The following GOLGA6L9 variants were observed in gnomAD, a reference collection of about 807,000 sequenced individuals.
The protein encoded by GOLGA6L9 is golgin subfamily A member 6-like protein 9.
In GOLGA6L9, 19 loss-of-function variants were observed where a neutral mutation model predicts 51.3. The observed-to-expected ratio is 0.37, with a 90% CI of 0.26 to 0.54. The LOEUF (loss-of-function observed/expected upper bound fraction) is 0.54, where lower values mean the gene tolerates loss of function less well. Ranked by LOEUF, GOLGA6L9 falls within the 20% of genes least tolerant of loss-of-function variation. The pLI is 0.83. For synonymous variants in GOLGA6L9, 97 were observed against 184.2 expected, an observed-to-expected ratio of 0.53 and a Z score of 3.83; for missense variants, 247 against 464.1, an observed-to-expected ratio of 0.53 and a Z score of 4.30.
the GOLGA6L9 span, chr15:82,420,039 C>G: frequency 2.3e-6 from 1 of 439,480 alleles, no homozygotes; most frequent in Non-Finnish European, 4.6e-6. Context: ...CCACCTGAGT[C>G]AAAGGCAAAG....
Position 82,430,269 on chromosome 15 carries a change from C to G in GOLGA6L9, c.84+106C>G, listed in dbSNP as rs2031370619. 30 of 391,670 alleles carry G rather than the reference C, an allele frequency of 7.7e-5. No homozygotes were observed. In the East Asian group the frequency reaches 1.3e-3, roughly 17 times the overall value. The allele number at this position is 391,670 out of a possible 1,614,324, so 24.3% of individuals were successfully genotyped here. A position where few individuals can be genotyped will look rare whatever the true frequency, so the allele number is the denominator to read the frequency against. ...TCCTGAGGCATACCAGATGGGGCCC[C>G]CCAACCCCAGCCCCTCTGGGCTCCC... is the stretch of plus-strand genomic sequence containing the variant. On this transcript the variant is annotated intron_variant, in intron 1 of 8. Transcript: ENST00000618348.
chr15:82,427,223 TTTCTTTC>T (rs1195573990), upstream of GOLGA6L9, among the ~76,000 whole-genome samples: 18,419 of 136,222 alleles, frequency 0.14, 695 homozygotes, highest in African/African-American at 0.32. Flanking sequence ...TCCTTGTTTC[TTTCTTTC>T]TTCTTCTTCC....
At position 82,429,930 on chromosome 15, in the gene GOLGA6L9, C is replaced by A. The variant is rs1325609521; in HGVS notation, c.-150C>A. ...TGGCCACGCCTCCTTTCCCTTTCAT[C>A]TTTCTCACTGACCAATGGGCTTGGA... is the stretch of plus-strand genomic sequence containing the variant. On this transcript the variant is annotated 5_prime_UTR_variant, in exon 1 of 9. Transcript: ENST00000618348. 31 of 968,482 alleles carry A rather than the reference C, an allele frequency of 3.2e-5. 1 individual carries two copies. Among genetic ancestry groups the A allele is most frequent in the African/African-American group, 8.2e-5 (5 of 60,744 alleles). The allele number at this position is 968,482 out of a possible 1,614,324, so 60.0% of individuals were successfully genotyped here. A position where few individuals can be genotyped will look rare whatever the true frequency, so the allele number is the denominator to read the frequency against.
chr15:82,417,024 G>A, the GOLGA6L9 span, among the ~76,000 whole-genome samples: 1 of 152,142 alleles, frequency 6.6e-6, no homozygotes, highest in Non-Finnish European at 1.5e-5. Flanking sequence ...CCCCACCGTT[G>A]ATCCTGGCGA....
At chr15:82,429,812 G>A (rs1407207982), upstream of GOLGA6L9, among the ~76,000 whole-genome samples, 7 of 152,190 alleles carry the variant, frequency 4.6e-5, no homozygotes, top group East Asian at 1.4e-3. Context: ...CCCAGAGTGG[G>A]CGGCCTCTCC....
chr15:82,427,558 C>T (rs1286133249), upstream of GOLGA6L9, among the ~76,000 whole-genome samples: 4 of 150,004 alleles, frequency 2.7e-5, no homozygotes, highest in Admixed American at 6.6e-5. Flanking sequence ...ATCTAAGTCT[C>T]GCTGTGTCAC....
rs1199009389 is a variant in GOLGA6L9 at position 82,436,544 on chromosome 15, G to A, written c.*133G>A. On this transcript the variant is annotated 3_prime_UTR_variant, in exon 9 of 9. Transcript: ENST00000618348. ...TAATTTATAGTTTAAATTTATTTGTGTTTCTAATTTATAGTTTAAATTTAT... is the reference window on the plus strand; with the variant it reads ...TAATTTATAGTTTAAATTTATTTGTATTTCTAATTTATAGTTTAAATTTAT... The A allele has an allele frequency of 1.6e-6, 2 of 1,215,962 alleles. No individual in the cohort carries two copies. The highest frequency in any genetic ancestry group is 2.7e-5 in the Admixed American group (1 of 36,786). The allele number at this position is 1,215,962 out of a possible 1,614,324, so 75.3% of individuals were successfully genotyped here.
the GOLGA6L9 span, among the ~76,000 whole-genome samples, chr15:82,421,803 CAA>C: frequency 3.1e-3 from 9 of 2,946 alleles, no homozygotes; most frequent in Non-Finnish European, 4.4e-3. Context: ...CCAACACCAC[CAA>C]AAAAAAAAAA....
chr15:82,428,962 G>A (rs1458472001), upstream of GOLGA6L9, among the ~76,000 whole-genome samples: 2 of 151,748 alleles, frequency 1.3e-5, no homozygotes, highest in Non-Finnish European at 2.9e-5. Context: ...GGCCTAGAGT[G>A]GCCTGGTGAT....
chr15:82,436,530 T>A lies in GOLGA6L9; in HGVS notation c.*119T>A. 1 of 1,346,758 alleles carries A rather than the reference T, an allele frequency of 7.4e-7. No homozygotes were observed. Among genetic ancestry groups the A allele is most frequent in the East Asian group, 2.5e-5 (1 of 39,720 alleles). The allele number at this position is 1,346,758 out of a possible 1,614,324, so 83.4% of individuals were successfully genotyped here. A position where few individuals can be genotyped will look rare whatever the true frequency, so the allele number is the denominator to read the frequency against. The stretch of plus-strand genomic sequence containing the variant: ...TATGTTTGTGTTTCTAATTTATAGT[T>A]TAAATTTATTTGTGTTTCTAATTTA... On this transcript the variant is annotated 3_prime_UTR_variant, in exon 9 of 9. Coordinates refer to ENST00000618348, the MANE Select transcript of GOLGA6L9 (RefSeq NM_198181.4).
chr15:82,428,621 TTC>T, upstream of GOLGA6L9, among the ~76,000 whole-genome samples: 1 of 88,672 alleles, frequency 1.1e-5, no homozygotes, highest in Non-Finnish European at 2.1e-5. Context: ...ACTCCAGAGT[TTC>T]TGATTCACCA....
chr15:82,425,849 A>G (rs1449074141), upstream of GOLGA6L9, among the ~76,000 whole-genome samples: 4 of 148,220 alleles, frequency 2.7e-5, no homozygotes, highest in East Asian at 7.9e-4. Context: ...GTGTTGAGAG[A>G]GAAGAGTAGA....
At position 82,437,884 on chromosome 15, in the gene GOLGA6L9, G is replaced by A. The variant is rs1190686099; in HGVS notation, c.*1473G>A. ...TCACAGAGTTATATTTCCTCACAAAGTTCTTTACAAAGAGTGAAATATGTT... is the reference window on the plus strand; with the variant it reads ...TCACAGAGTTATATTTCCTCACAAAATTCTTTACAAAGAGTGAAATATGTT... On this transcript the variant is annotated 3_prime_UTR_variant, in exon 9 of 9. Transcript: ENST00000618348. 6 of 151,236 alleles carry A rather than the reference G, an allele frequency of 4.0e-5. No homozygotes were observed. Among genetic ancestry groups the A allele is most frequent in the African/African-American group, 1.5e-4 (6 of 40,992 alleles). The allele number at this position is 151,236 out of a possible 1,614,324, so 9.4% of individuals were successfully genotyped here.
upstream of GOLGA6L9, among the ~76,000 whole-genome samples, chr15:82,429,115 C>T (rs1477541349): frequency 6.6e-6 from 1 of 151,558 alleles, no homozygotes; most frequent in Non-Finnish European, 1.5e-5. Context: ...TGCTCTGTCA[C>T]CCAGGCTGGA....
In GOLGA6L9 at chr15:82,437,000, T is replaced by G. The variant is rs1422405894; in HGVS notation, c.*589T>G. On this transcript the variant is annotated 3_prime_UTR_variant, in exon 9 of 9. Transcript: ENST00000618348. The stretch of plus-strand genomic sequence containing the variant: ...GCCCTCTGGAAACAGCCTTTCCCCC[T>G]TTTTCTGTGTATTGGGGATGGGAGT... 2 of 157,594 alleles carry G rather than the reference T, an allele frequency of 1.3e-5. No individual in the cohort carries two copies. The highest frequency in any genetic ancestry group is 4.9e-5 in the African/African-American group (2 of 41,216). The allele number at this position is 157,594 out of a possible 1,614,324, so 9.8% of individuals were successfully genotyped here. A position where few individuals can be genotyped will look rare whatever the true frequency, so the allele number is the denominator to read the frequency against.
the GOLGA6L9 span, chr15:82,419,406 T>A: frequency 6.5e-6 from 1 of 154,374 alleles, no homozygotes; most frequent in African/African-American, 2.4e-5. Context: ...CCCAGCAGTT[T>A]GGGAGGCTGA....
the GOLGA6L9 span, among the ~76,000 whole-genome samples, chr15:82,416,848 T>C: frequency 2.0e-5 from 3 of 152,212 alleles, no homozygotes; most frequent in East Asian, 3.8e-4. Context: ...TAAACTATTG[T>C]GATACAGCTT....
In GOLGA6L9 at chr15:82,434,195, G is replaced by T. The variant is rs1388498200; in HGVS notation, c.595G>T (p.Glu199Ter). The T allele has an allele frequency of 6.4e-7, 1 of 1,552,496 alleles. No homozygotes were observed. The highest frequency in any genetic ancestry group is 1.9e-5 in the Admixed American group (1 of 53,004). Residue 199 changes from glutamate (E) to a stop codon, truncating the protein, a stop_gained, in exon 6 of 9, where the codon GAG becomes TAG. Transcript: ENST00000618348. LOFTEE classifies it high-confidence loss of function. Reference sequence around the variant, plus strand: ...GAGTCTCCTGAACAGGAGACAGGAGGAGAGGCTACGTGAACAGGAGGAGAG... The same window carrying T: ...GAGTCTCCTGAACAGGAGACAGGAGTAGAGGCTACGTGAACAGGAGGAGAG... ...MLSLLNRRQEERLREQEERLR... is the reference protein window; with the variant it reads ...MLSLLNRRQE
rs2031685182 is a variant in GOLGA6L9 at position 82,436,523 on chromosome 15, T to A, written c.*112T>A. 7.0e-7 allele frequency: 1 copy of A among 1,431,034 alleles called. No homozygotes were observed. Among genetic ancestry groups the A allele is most frequent in the African/African-American group, 1.4e-5 (1 of 69,326 alleles). 88.6% of individuals were successfully genotyped at this position (1,431,034 alleles called of 1,614,324 possible). On this transcript the variant is annotated 3_prime_UTR_variant, in exon 9 of 9. Coordinates refer to ENST00000618348, the MANE Select transcript of GOLGA6L9 (RefSeq NM_198181.4). ...AGCCACTTATGTTTGTGTTTCTAATTTATAGTTTAAATTTATTTGTGTTTC... is the reference window on the plus strand; with the variant it reads ...AGCCACTTATGTTTGTGTTTCTAATATATAGTTTAAATTTATTTGTGTTTC...
Sources: gnomAD v4.1 joint callset for allele counts (sites outside exome capture counted in the v4.1 genomes callset) on GRCh38, gnomAD v4.1.1 for gene constraint, MANE v1.5 for transcripts, NCBI Gene and HGNC (gene_info 2026-07-23, HGNC 2026-07-21) for gene names.